GBE1: variants seen among roughly 807,000 people sequenced by gnomAD.
The protein encoded by GBE1 is 1,4-alpha-glucan branching enzyme 1, also known as 1,4-alpha-glucan-branching enzyme.
Under a neutral mutation model 88.8 loss-of-function variants are expected in GBE1, and 70 were observed. The ratio of observed to expected loss-of-function variants is 0.79; its 90% CI spans 0.65 to 0.96. The LOEUF is 0.96. GBE1 is among the 40% of genes least tolerant of loss of function. GBE1 has a pLI of 0.00. For synonymous variants in GBE1, 284 were observed against 300.1 expected, an observed-to-expected ratio of 0.95 and a Z score of 0.56; for missense variants, 872 against 871.0, an observed-to-expected ratio of 1.00 and a Z score of -0.01.
intron 7 of GBE1, among the ~76,000 whole-genome samples, chr3:81,626,135 G>A (rs1435887956): frequency 2.6e-5 from 4 of 152,154 alleles, no homozygotes; most frequent in South Asian, 2.1e-4. Flanking sequence ...GCTCATGCTC[G>A]GAAACAGCAG....
chr3:81,564,782 A>T (rs993887782), intron 12 of GBE1, among the ~76,000 whole-genome samples: 2 of 152,118 alleles, frequency 1.3e-5, no homozygotes, highest in African/African-American at 2.4e-5. Context: ...CCTGGCTTCC[A>T]GTGACTCCGG....
intron 7 of GBE1, among the ~76,000 whole-genome samples, chr3:81,598,906 CT>C (rs1703994519): frequency 6.6e-6 from 1 of 151,822 alleles, no homozygotes; most frequent in Non-Finnish European, 1.5e-5. Flanking sequence ...GGATTTTATT[CT>C]GTGCAACTTT....
chr3:81,557,465 G>A (rs1301863645), intron 12 of GBE1, among the ~76,000 whole-genome samples: 2 of 150,832 alleles, frequency 1.3e-5, no homozygotes, highest in East Asian at 1.9e-4. Context: ...GAAGAAAGAA[G>A]GAAGAGGAAG....
intron 1 of GBE1, among the ~76,000 whole-genome samples, chr3:81,760,123 T>C (rs1430615485): frequency 6.6e-6 from 1 of 152,208 alleles, no homozygotes; most frequent in African/African-American, 2.4e-5. Context: ...ACAAGGCTGC[T>C]CCTCATATGG....
At chr3:81,671,998 A>T (rs1325347373) in intron 2 of GBE1, among the ~76,000 whole-genome samples, 1 of 152,034 alleles carries the variant, frequency 6.6e-6, no homozygotes, top group Non-Finnish European at 1.5e-5. Context: ...TTGATAAAAA[A>T]TATATTCAGG....
intron 9 of GBE1, among the ~76,000 whole-genome samples, chr3:81,587,506 A>G (rs1053415980): frequency 1.3e-5 from 2 of 152,134 alleles, no homozygotes; most frequent in Non-Finnish European, 2.9e-5. Context: ...CCTTCAATGG[A>G]TTTCAATAGC....
chr3:81,575,363 G>A (rs1703634065), intron 12 of GBE1, among the ~76,000 whole-genome samples: 1 of 151,968 alleles, frequency 6.6e-6, no homozygotes, highest in Admixed American at 6.6e-5. Context: ...TATAACCAGA[G>A]TGAAAGAATT....
chr3:81,525,041 T>C (rs1702925713), intron 14 of GBE1, among the ~76,000 whole-genome samples: 1 of 152,060 alleles, frequency 6.6e-6, no homozygotes, highest in Middle Eastern at 3.4e-3. Flanking sequence ...GAATATATTG[T>C]TCTATTTGAA....
chr3:81,631,210 G>C (rs1704503403), intron 7 of GBE1, among the ~76,000 whole-genome samples: 1 of 151,422 alleles, frequency 6.6e-6, no homozygotes, highest in Non-Finnish European at 1.5e-5. Context: ...TCTTTAAAAA[G>C]AAAAAAAGAA....
intron 1 of GBE1, among the ~76,000 whole-genome samples, chr3:81,709,068 C>A (rs573631388): frequency 2.6e-5 from 4 of 152,160 alleles, no homozygotes; most frequent in Non-Finnish European, 5.9e-5. Flanking sequence ...AGAGTACAAG[C>A]CTCATCTAAA....
chr3:81,490,648 C>A (rs1170387262), intron 15 of GBE1, among the ~76,000 whole-genome samples, 185 bp from the exon 16 acceptor site: 1 of 151,944 alleles, frequency 6.6e-6, no homozygotes, highest in Non-Finnish European at 1.5e-5. Flanking sequence ...ACATGACTAC[C>A]ATAAAGCAAC....
chr3:81,591,102 T>C lies in GBE1; in HGVS notation c.1171A>G (p.Thr391Ala), dbSNP rs1197937169. Residue 391 changes from threonine to alanine, a missense_variant, in exon 9 of 16, where the codon ACT becomes GCT. Coordinates refer to ENST00000429644, the MANE Select transcript of GBE1 (RefSeq NM_000158.4). ...AAATGATTTGCCAACATGAGGTAAG[T>C]CAAGGCATCTTCATCTACTTGTAGT... Reference protein sequence around the residue: ...FGLQVDEDALTYLMLANHLVH... With the variant: ...FGLQVDEDALAYLMLANHLVH... 6.2e-7 allele frequency: 1 copy of C among 1,609,214 alleles called. No individual in the cohort carries two copies. The highest frequency in any genetic ancestry group is 1.7e-5 in the Admixed American group (1 of 59,492).
intron 12 of GBE1, among the ~76,000 whole-genome samples, chr3:81,547,885 T>TG (rs1703228983): frequency 1.3e-5 from 2 of 151,354 alleles, no homozygotes; most frequent in Non-Finnish European, 3.0e-5. Context: ...CTGTTCAAAA[T>TG]GGCCCAGAAA....
In GBE1 at chr3:81,508,598, C is replaced by A. The variant is rs1702685108; in HGVS notation, c.1935-9371G>T. 4.6e-5 allele frequency among the ~76,000 whole-genome samples: 7 copies of A among 152,042 alleles called. No homozygotes were observed. In the South Asian group the frequency reaches 1.4e-3, roughly 31 times the overall value. On this transcript the variant is annotated intron_variant, in intron 14 of 15. Transcript: ENST00000429644. Reference sequence around the variant, plus strand: ...AAATAATTTTGATTCAGGCTATAAACACCTTCCCCCAAACAAACTTACTCT... The same window carrying A: ...AAATAATTTTGATTCAGGCTATAAAAACCTTCCCCCAAACAAACTTACTCT...
At chr3:81,575,555 G>T (rs894982233) in intron 12 of GBE1, among the ~76,000 whole-genome samples, 1 of 152,064 alleles carries the variant, frequency 6.6e-6, no homozygotes, top group South Asian at 2.1e-4. Flanking sequence ...CTATACAAAT[G>T]TATAGTTGTT....
chr3:81,527,570 A>G (rs1291793901), intron 14 of GBE1, among the ~76,000 whole-genome samples: 1 of 152,202 alleles, frequency 6.6e-6, no homozygotes, highest in Non-Finnish European at 1.5e-5. Context: ...ATGAACAGAC[A>G]CTTCTCAAAA....
intron 12 of GBE1, among the ~76,000 whole-genome samples, chr3:81,563,965 C>T (rs762149498): frequency 2.4e-4 from 35 of 146,476 alleles, no homozygotes; most frequent in Non-Finnish European, 4.2e-4. Context: ...AAGGAAGGAA[C>T]GGAGGAAGGA....
chr3:81,591,822 A>G (rs1308309724), intron 8 of GBE1, among the ~76,000 whole-genome samples: 1 of 151,836 alleles, frequency 6.6e-6, no homozygotes, highest in Non-Finnish European at 1.5e-5. Context: ...TCAGCCTTTT[A>G]CCATTTCTCT....
intron 12 of GBE1, among the ~76,000 whole-genome samples, chr3:81,570,262 C>T (rs796522386): frequency 3.9e-5 from 6 of 152,232 alleles, no homozygotes; most frequent in African/African-American, 1.4e-4. Flanking sequence ...ATGCAGTTGA[C>T]ATATTTTACA....
Sources: allele counts gnomAD v4.1 joint callset (sites outside exome capture counted in the v4.1 genomes callset), GRCh38; gene constraint gnomAD v4.1.1; transcripts MANE v1.5; gene names NCBI Gene and HGNC (gene_info 2026-07-23, HGNC 2026-07-21).